The following UBTD1 variants were observed in gnomAD, a reference collection of about 807,000 sequenced individuals.
The protein encoded by UBTD1 is ubiquitin domain-containing protein 1.
UBTD1 carries 19 observed loss-of-function variants against 21.7 expected under a neutral mutation model. The ratio of observed to expected loss-of-function variants is 0.87; its 90% CI spans 0.61 to 1.28. UBTD1 has a LOEUF of 1.28. Ranked by LOEUF, UBTD1 falls within the 50% of genes most tolerant of loss-of-function variation. The pLI, the probability that UBTD1 is intolerant of heterozygous loss-of-function variation, is 0.00. For synonymous variants in UBTD1, 116 were observed against 135.1 expected (o/e 0.86, Z 0.98); for missense variants, 282 against 315.1 (o/e 0.89, Z 0.80).
intron 1 of UBTD1, among the ~76,000 whole-genome samples, chr10:97,509,887 G>A (rs763174770): frequency 4.0e-5 from 6 of 151,754 alleles, no homozygotes; most frequent in Admixed American, 1.3e-4. Flanking sequence ...TCCTGACCTC[G>A]TGATCCACCC....
intron 1 of UBTD1, among the ~76,000 whole-genome samples, chr10:97,503,182 C>T (rs369809234): frequency 6.6e-6 from 1 of 152,216 alleles, no homozygotes; most frequent in African/African-American, 2.4e-5. Context: ...TCCGAAAGTG[C>T]TGGGATTACT....
intron 1 of UBTD1, among the ~76,000 whole-genome samples, chr10:97,556,466 T>C (rs578241430): frequency 6.6e-6 from 1 of 152,324 alleles, no homozygotes; most frequent in African/African-American, 2.4e-5. Flanking sequence ...GTTTTATTAG[T>C]AATAATTTCT....
rs1192495418 is a variant in UBTD1 at position 97,568,095 on chromosome 10, G to A, written c.252G>A (p.Glu84=). The A allele has an allele frequency of 1.9e-6, 3 of 1,613,700 alleles. No individual in the cohort carries two copies. The highest frequency in any genetic ancestry group is 2.5e-6 in the Non-Finnish European group (3 of 1,180,048). Residue 84 remains glutamate (E), a synonymous_variant, in exon 2 of 3, where the codon GAG becomes GAA. Transcript: ENST00000370664. The part of the protein sequence containing the change: ...AAYAAEANDH[E]LAQAILDGAS... ...ATGCTGCTGAAGCCAACGACCACGAGCTGGCCCAGGCCATCCTGGATGGAG... is the reference window on the plus strand; with the variant it reads ...ATGCTGCTGAAGCCAACGACCACGAACTGGCCCAGGCCATCCTGGATGGAG...
chr10:97,528,076 G>T (rs1445860107), intron 1 of UBTD1, among the ~76,000 whole-genome samples: 2 of 136,958 alleles, frequency 1.5e-5, no homozygotes, highest in African/African-American at 5.4e-5. Context: ...TGGGCGGGGG[G>T]CTGACTCCCC....
intron 1 of UBTD1, among the ~76,000 whole-genome samples, chr10:97,528,174 G>C (rs1256837019): frequency 1.0e-5 from 1 of 96,634 alleles, no homozygotes; most frequent in Non-Finnish European, 2.2e-5. Flanking sequence ...CGGGCGGGGG[G>C]CTGACTCCCC....
At chr10:97,533,592 A>C (rs2040543945) in intron 1 of UBTD1, among the ~76,000 whole-genome samples, 1 of 151,806 alleles carries the variant, frequency 6.6e-6, no homozygotes, top group Non-Finnish European at 1.5e-5. Context: ...TTTGCCCCCC[A>C]CCTCCACCAA....
intron 1 of UBTD1, among the ~76,000 whole-genome samples, chr10:97,533,576 T>A (rs936101105): frequency 3.3e-4 from 50 of 152,032 alleles, no homozygotes; most frequent in Non-Finnish European, 1.0e-4. Context: ...CTTCGCAGCA[T>A]CCCCCTTTGC....
At chr10:97,534,824 C>A (rs2040552235) in intron 1 of UBTD1, among the ~76,000 whole-genome samples, 1 of 152,164 alleles carries the variant, frequency 6.6e-6, no homozygotes, top group Admixed American at 6.5e-5. Flanking sequence ...CACCATCTGA[C>A]CCCTGGCAGA....
At chr10:97,537,245 A>G (rs1032600819) in intron 1 of UBTD1, among the ~76,000 whole-genome samples, 2 of 152,152 alleles carry the variant, frequency 1.3e-5, no homozygotes, top group Non-Finnish European at 2.9e-5. Context: ...TCTGGGCCTG[A>G]GCACCCTGGT....
chr10:97,546,226 A>G (rs753436073), intron 1 of UBTD1, among the ~76,000 whole-genome samples: 18 of 152,292 alleles, frequency 1.2e-4, no homozygotes, highest in Admixed American at 5.9e-4. Context: ...GTGAGTCTCC[A>G]TCACTGAGCT....
At chr10:97,529,249 GGCCGGGCA>G in intron 1 of UBTD1, among the ~76,000 whole-genome samples, 1 of 150,156 alleles carries the variant, frequency 6.7e-6, no homozygotes, top group East Asian at 2.0e-4. Context: ...GTGGGATGGC[GGCCGGGCA>G]GAGACGCTCC....
At chr10:97,565,333 G>T (rs995194613) in intron 1 of UBTD1, among the ~76,000 whole-genome samples, 1 of 152,150 alleles carries the variant, frequency 6.6e-6, no homozygotes, top group African/African-American at 2.4e-5. Context: ...ATAAAATTTA[G>T]AATCAGTTTG....
chr10:97,547,250 A>G lies in UBTD1; in HGVS notation c.71-20664A>G, dbSNP rs186249054. 1.4e-4 allele frequency among the ~76,000 whole-genome samples: 21 copies of G among 152,302 alleles called. No homozygotes were observed. The East Asian group carries it at 3.9e-3, about 28-fold the overall frequency. ...CAGCAGTGAGGGAGGTTGGACTGCT[A>G]TGTCCAGCAGTAAAAAGCACAGTGG... On this transcript the variant is annotated intron_variant, in intron 1 of 2. Transcript: ENST00000370664.
chr10:97,506,997 A>C (rs1357764558), intron 1 of UBTD1, among the ~76,000 whole-genome samples: 1 of 152,224 alleles, frequency 6.6e-6, no homozygotes, highest in Non-Finnish European at 1.5e-5. Flanking sequence ...CAAAAGGTGA[A>C]TGCTCTCTGA....
chr10:97,504,231 C>G (rs1431846399), intron 1 of UBTD1, among the ~76,000 whole-genome samples: 1 of 152,166 alleles, frequency 6.6e-6, no homozygotes, highest in East Asian at 1.9e-4. Flanking sequence ...TTCCTGCTTC[C>G]TCCCTTGTCT....
chr10:97,562,690 G>T (rs1174167025), intron 1 of UBTD1, among the ~76,000 whole-genome samples: 1 of 152,122 alleles, frequency 6.6e-6, no homozygotes, highest in Non-Finnish European at 1.5e-5. Flanking sequence ...GATCAGTTAG[G>T]GGCAGGAACA....
At chr10:97,516,853 T>G (rs1372923327) in intron 1 of UBTD1, among the ~76,000 whole-genome samples, 1 of 151,250 alleles carries the variant, frequency 6.6e-6, no homozygotes, top group Non-Finnish European at 1.5e-5. Context: ...CCTTGACAGC[T>G]GGGGGGAGTG....
At chr10:97,531,667 G>GC (rs2040532629) in intron 1 of UBTD1, among the ~76,000 whole-genome samples, 2 of 152,176 alleles carry the variant, frequency 1.3e-5, no homozygotes, top group African/African-American at 4.8e-5. Flanking sequence ...CCTTTGGTTA[G>GC]TCCCCCAGGG....
chr10:97,570,755 G>GC lies in UBTD1; in HGVS notation c.*235dup, dbSNP rs907000113. The GC allele has an allele frequency of 1.9e-6, 1 of 536,028 alleles. No individual in the cohort carries two copies. Among genetic ancestry groups the GC allele is most frequent in the Non-Finnish European group, 3.3e-6 (1 of 306,982 alleles). 33.2% of individuals were successfully genotyped at this position (536,028 alleles called of 1,614,324 possible). On this transcript the variant is annotated 3_prime_UTR_variant, in exon 3 of 3. Transcript: ENST00000370664. This position sits in a 1 kb window ranked among gnomAD's most constrained non-coding sequence, Gnocchi z 6.6. ...CCTTGTCAGAGAAAAGGCGAACAGGGCCCTCACCCTGCCTGTCTCCCGAAG... is the reference window on the plus strand; with the variant it reads ...CCTTGTCAGAGAAAAGGCGAACAGGGCCCCTCACCCTGCCTGTCTCCCGAAG...
Sources: gnomAD v4.1 joint callset for allele counts (sites outside exome capture counted in the v4.1 genomes callset) on GRCh38, gnomAD v4.1.1 for gene constraint, Gnocchi (gnomAD v3.1) non-coding constraint, MANE v1.5 for transcripts, NCBI Gene and HGNC (gene_info 2026-07-23, HGNC 2026-07-21) for gene names.